The following JARID2 variants were observed in gnomAD, a reference collection of about 807,000 sequenced individuals.
JARID2 encodes the protein protein Jumonji.
Under a neutral mutation model 125.6 loss-of-function variants are expected in JARID2, and 21 were observed. That is an observed-to-expected ratio of 0.17 (90% CI 0.12 to 0.24). The LOEUF (loss-of-function observed/expected upper bound fraction) is 0.24, where lower values mean the gene tolerates loss of function less well. JARID2 is among the 10% of genes least tolerant of loss of function. The pLI is 1.00. For synonymous variants in JARID2, 736 were observed against 661.6 expected, an observed-to-expected ratio of 1.11 and a Z score of -1.73; for missense variants, 1,303 against 1,639.6, an observed-to-expected ratio of 0.79 and a Z score of 3.55.
rs183759623 is a variant in JARID2 at position 15,518,704 on chromosome 6, A to T, written c.3559-1365A>T. Among the ~76,000 whole-genome samples the T allele has an allele frequency of 1.8e-3, 274 of 152,180 alleles. 3 individuals are homozygous for T. In the Middle Eastern group the frequency reaches 0.024, roughly 13 times the overall value. On this transcript the variant is annotated intron_variant, in intron 17 of 17. Coordinates refer to ENST00000341776, the MANE Select transcript of JARID2 (RefSeq NM_004973.4). Reference sequence around the variant, plus strand: ...ACCATGTTGGTCAGGCTGGTCTCAAACTCCTGACCTCAGGTGATCAGCTTG... The same window carrying T: ...ACCATGTTGGTCAGGCTGGTCTCAATCTCCTGACCTCAGGTGATCAGCTTG...
chr6:15,356,795 A>C (rs2127489488), intron 1 of JARID2, among the ~76,000 whole-genome samples: 1 of 152,210 alleles, frequency 6.6e-6, no homozygotes, highest in Non-Finnish European at 1.5e-5. Flanking sequence ...CAGGCGGATC[A>C]CTTGAGGTCA....
At chr6:15,423,981 C>T (rs1304935144) in intron 3 of JARID2, among the ~76,000 whole-genome samples, 3 of 152,156 alleles carry the variant, frequency 2.0e-5, no homozygotes, top group Non-Finnish European at 4.4e-5. Context: ...GTCCCTTTCT[C>T]TAGTGGTCAG....
At chr6:15,492,354 C>G (rs1211613278) in intron 6 of JARID2, among the ~76,000 whole-genome samples, 6 of 152,224 alleles carry the variant, frequency 3.9e-5, no homozygotes, top group African/African-American at 1.4e-4. Flanking sequence ...TGTGTGTGCT[C>G]TTCTGTGGAA....
intron 1 of JARID2, among the ~76,000 whole-genome samples, chr6:15,285,879 T>C (rs533751660): frequency 7.3e-6 from 1 of 136,672 alleles, no homozygotes; most frequent in East Asian, 1.9e-4. Context: ...ATGCATTATG[T>C]ATCACACTTG....
intron 1 of JARID2, among the ~76,000 whole-genome samples, chr6:15,279,012 AC>A (rs1172439895): frequency 6.6e-6 from 1 of 151,760 alleles, no homozygotes; most frequent in African/African-American, 2.4e-5. Context: ...AATCACTTGA[AC>A]CTGGGAGGTG....
intron 3 of JARID2, among the ~76,000 whole-genome samples, chr6:15,416,615 T>G (rs1322614687): frequency 6.6e-6 from 1 of 150,690 alleles, no homozygotes; most frequent in Admixed American, 6.7e-5. Context: ...GCAGGGAGGC[T>G]GCAGTGAGCC....
chr6:15,514,355 A>AC (rs1771443439), intron 16 of JARID2, among the ~76,000 whole-genome samples: 1 of 152,120 alleles, frequency 6.6e-6, no homozygotes, highest in Admixed American at 6.5e-5. Flanking sequence ...GTCCCTTTCC[A>AC]CAGTGCCTCA....
intron 1 of JARID2, among the ~76,000 whole-genome samples, chr6:15,301,881 G>A (rs964662456): frequency 1.3e-5 from 2 of 152,126 alleles, no homozygotes; most frequent in Non-Finnish European, 2.9e-5. Flanking sequence ...CTTTTCTGGA[G>A]CAGTAAAAGT....
chr6:15,257,452 G>A lies in JARID2; in HGVS notation c.45+10868G>A, dbSNP rs544645939. Among the ~76,000 whole-genome samples, 9 of 152,250 alleles carry A rather than the reference G, an allele frequency of 5.9e-5. No individual in the cohort carries two copies. The South Asian group carries it at 1.9e-3, about 32-fold the overall frequency. On this transcript the variant is annotated intron_variant, in intron 1 of 17. Coordinates refer to ENST00000341776, the MANE Select transcript of JARID2 (RefSeq NM_004973.4). ...CTGTTTGCATTTATAACTTGTCATG[G>A]TAATCAAAGACAGTGATTTTTAATG... is the stretch of plus-strand genomic sequence containing the variant.
chr6:15,448,900 C>T (rs1479004407), intron 3 of JARID2, among the ~76,000 whole-genome samples: 1 of 152,030 alleles, frequency 6.6e-6, no homozygotes, highest in African/African-American at 2.4e-5. Context: ...TGTTGAGTCC[C>T]AATAAATTAG....
At chr6:15,321,862 G>C (rs942570375) in intron 1 of JARID2, among the ~76,000 whole-genome samples, 2 of 133,984 alleles carry the variant, frequency 1.5e-5, no homozygotes, top group Non-Finnish European at 3.0e-5. Flanking sequence ...GTGTGATCTC[G>C]GCTCACTGCA....
At chr6:15,463,801 G>A (rs973386018) in intron 4 of JARID2, among the ~76,000 whole-genome samples, 1 of 152,098 alleles carries the variant, frequency 6.6e-6, no homozygotes. Context: ...ATTACGTAAT[G>A]CATCCATTCA....
chr6:15,473,320 T>C (rs1206005164), intron 5 of JARID2, among the ~76,000 whole-genome samples: 1 of 152,094 alleles, frequency 6.6e-6, no homozygotes, highest in Admixed American at 6.5e-5. Flanking sequence ...AACACGGCAA[T>C]AGGATCTACC....
intron 1 of JARID2, among the ~76,000 whole-genome samples, chr6:15,367,979 T>C (rs1764037071): frequency 6.6e-6 from 1 of 152,212 alleles, no homozygotes; most frequent in Non-Finnish European, 1.5e-5. Flanking sequence ...GGGCCCATAT[T>C]ATTGAAGAGT....
chr6:15,251,520 C>G (rs1378733063), intron 1 of JARID2, among the ~76,000 whole-genome samples: 1 of 152,222 alleles, frequency 6.6e-6, no homozygotes, highest in African/African-American at 2.4e-5. Context: ...GCAGTATGTC[C>G]TGACTGATAT....
chr6:15,278,104 A>G (rs1760604431), intron 1 of JARID2, among the ~76,000 whole-genome samples: 1 of 151,956 alleles, frequency 6.6e-6, no homozygotes, highest in South Asian at 2.1e-4. Flanking sequence ...AAAAATTAGC[A>G]TGCCTGTAAT....
chr6:15,311,581 G>GAAAGAAAAAGAA (rs760759168), intron 1 of JARID2, among the ~76,000 whole-genome samples: 2 of 151,934 alleles, frequency 1.3e-5, no homozygotes, highest in Non-Finnish European at 2.9e-5. Flanking sequence ...TCCGTCTCAA[G>GAAAGAAAAAGAA]AAAGAAAGAA....
chr6:15,281,224 T>C (rs971531058), intron 1 of JARID2, among the ~76,000 whole-genome samples: 2 of 152,212 alleles, frequency 1.3e-5, no homozygotes, highest in African/African-American at 4.8e-5. Context: ...TGCAACCCTT[T>C]TATTCTAATA....
intron 1 of JARID2, among the ~76,000 whole-genome samples, chr6:15,297,331 G>A (rs1317615252): frequency 6.6e-6 from 1 of 151,666 alleles, no homozygotes; most frequent in Admixed American, 6.6e-5. Flanking sequence ...GTATTTTTTA[G>A]TAGAGACGGG....
Sources: gnomAD v4.1 joint callset for allele counts (sites outside exome capture counted in the v4.1 genomes callset) on GRCh38, gnomAD v4.1.1 for gene constraint, MANE v1.5 for transcripts, NCBI Gene and HGNC (gene_info 2026-07-23, HGNC 2026-07-21) for gene names.